The following TTC27 variants were observed in gnomAD, a reference collection of about 807,000 sequenced individuals.
TTC27 encodes the protein tetratricopeptide repeat protein 27.
A neutral mutation model predicts 115.9 loss-of-function variants in TTC27; 79 were observed. That is an observed-to-expected ratio of 0.68 (90% CI 0.57 to 0.82). The LOEUF (loss-of-function observed/expected upper bound fraction) is 0.82, where lower values mean the gene tolerates loss of function less well. Among genes scored for constraint, TTC27 ranks in the 40% least tolerant of loss-of-function variants. TTC27 has a pLI of 0.00. For missense variants in TTC27, 1,054 were observed against 993.1 expected (o/e 1.06, Z -0.82); for synonymous variants, 401 against 356.0 (o/e 1.13, Z -1.42).
intron 12 of TTC27, among the ~76,000 whole-genome samples, chr2:32,755,070 C>A (rs184397656): frequency 2.6e-5 from 4 of 151,934 alleles, no homozygotes; most frequent in African/African-American, 4.8e-5. Context: ...ACGGGGCGGC[C>A]GGGCAGAGAC....
chr2:32,645,524 TTTTC>T (rs1052174610), intron 4 of TTC27, among the ~76,000 whole-genome samples: 1 of 152,088 alleles, frequency 6.6e-6, no homozygotes, highest in African/African-American at 2.4e-5. Context: ...TGCCTCAATT[TTTTC>T]TTTCTTTGTT....
chr2:32,674,512 C>G (rs1168012238), intron 8 of TTC27, among the ~76,000 whole-genome samples: 1 of 152,060 alleles, frequency 6.6e-6, no homozygotes, highest in African/African-American at 2.4e-5. Context: ...TAGCATTTTA[C>G]TTCATATATG....
intron 4 of TTC27, among the ~76,000 whole-genome samples, chr2:32,649,703 G>A (rs1032127158): frequency 7.9e-5 from 12 of 151,990 alleles, no homozygotes; most frequent in African/African-American, 2.4e-4. Context: ...CTGCCACCAC[G>A]CCCAGCTAAT....
chr2:32,796,679 C>T (rs1463831390), intron 16 of TTC27, among the ~76,000 whole-genome samples: 1 of 151,944 alleles, frequency 6.6e-6, no homozygotes, highest in African/African-American at 2.4e-5. Context: ...CTCAAGAGAC[C>T]CTGGATGGCC....
chr2:32,789,128 A>T (rs974028414), intron 16 of TTC27, among the ~76,000 whole-genome samples: 1 of 152,158 alleles, frequency 6.6e-6, no homozygotes, highest in Non-Finnish European at 1.5e-5. Flanking sequence ...CTATTCAAAG[A>T]TTGTTTGGAA....
chr2:32,696,320 C>T (rs1429258368), intron 9 of TTC27, among the ~76,000 whole-genome samples: 1 of 150,970 alleles, frequency 6.6e-6, no homozygotes, highest in African/African-American at 2.4e-5. Flanking sequence ...GACAGAGTCT[C>T]ACTCTGTCGC....
intron 5 of TTC27, among the ~76,000 whole-genome samples, chr2:32,656,562 T>A (rs906341345): frequency 6.6e-6 from 1 of 152,122 alleles, no homozygotes; most frequent in Middle Eastern, 3.2e-3. Flanking sequence ...AGGAGCTAGA[T>A]CACGAGGATG....
At chr2:32,788,685 C>T (rs1242431416) in intron 16 of TTC27, among the ~76,000 whole-genome samples, 2 of 152,182 alleles carry the variant, frequency 1.3e-5, no homozygotes, top group Non-Finnish European at 2.9e-5. Flanking sequence ...TTAGTAACAA[C>T]TGGCTCACCA....
intron 14 of TTC27, chr2:32,780,067 CCA>C: frequency 2.1e-6 from 1 of 465,206 alleles, no homozygotes. Context: ...TGTGCATATT[CCA>C]CTGTCTTGTT....
At chr2:32,671,264 G>A (rs1333856107) in intron 7 of TTC27, among the ~76,000 whole-genome samples, 1 of 148,514 alleles carries the variant, frequency 6.7e-6, no homozygotes, top group South Asian at 2.2e-4. Flanking sequence ...TTTAATTTTT[G>A]TGTATGATTG....
At chr2:32,669,660 G>A (rs888789397) in intron 7 of TTC27, among the ~76,000 whole-genome samples, 6 of 152,012 alleles carry the variant, frequency 3.9e-5, no homozygotes, top group Admixed American at 1.3e-4. Flanking sequence ...CGAGGTGGGA[G>A]GATCACTTGA....
chr2:32,660,505 C>G (rs1178937630), intron 5 of TTC27, among the ~76,000 whole-genome samples: 1 of 152,084 alleles, frequency 6.6e-6, no homozygotes, highest in Non-Finnish European at 1.5e-5. Context: ...GAACAGAAAA[C>G]CGAACACTGC....
chr2:32,713,629 C>T (rs767412922), intron 10 of TTC27, among the ~76,000 whole-genome samples: 4 of 152,176 alleles, frequency 2.6e-5, no homozygotes, highest in Non-Finnish European at 5.9e-5. Context: ...GAGGACATTG[C>T]ATTGAATTGG....
chr2:32,715,148 G>A (rs531937684), intron 10 of TTC27, among the ~76,000 whole-genome samples: 5 of 152,236 alleles, frequency 3.3e-5, no homozygotes, highest in African/African-American at 1.2e-4. Flanking sequence ...ATCTTTGCCA[G>A]TCCCTACATT....
At chr2:32,743,726 CTCA>C (rs1236266532) in intron 12 of TTC27, among the ~76,000 whole-genome samples, 3 of 152,116 alleles carry the variant, frequency 2.0e-5, no homozygotes, top group Non-Finnish European at 4.4e-5. Flanking sequence ...CTTCCTAGTT[CTCA>C]TCATTTGGTT....
chr2:32,786,285 C>A (rs972235467), intron 15 of TTC27, among the ~76,000 whole-genome samples: 1 of 152,080 alleles, frequency 6.6e-6, no homozygotes, highest in Admixed American at 6.6e-5. Flanking sequence ...CCATGCCCAG[C>A]TGCTTTTTTT....
intron 6 of TTC27, among the ~76,000 whole-genome samples, chr2:32,666,267 A>G (rs1665770786): frequency 6.6e-6 from 1 of 152,194 alleles, no homozygotes; most frequent in Non-Finnish European, 1.5e-5. Context: ...TGTGATCATG[A>G]ACAAATGACT....
chr2:32,786,903 G>A lies in TTC27; in HGVS notation c.1833-81G>A, dbSNP rs1572612976. 3 of 1,216,938 alleles carry A rather than the reference G, an allele frequency of 2.5e-6. No homozygotes were observed. The East Asian group carries it at 7.5e-5, about 30-fold the overall frequency. The allele number at this position is 1,216,938 out of a possible 1,614,324, so 75.4% of individuals were successfully genotyped here. A position where few individuals can be genotyped will look rare whatever the true frequency, so the allele number is the denominator to read the frequency against. ...GAATAAGGACGGACAGTCCACATTAGTATTTTATACATTTAGCTATGCTTT... is the reference window on the plus strand; with the variant it reads ...GAATAAGGACGGACAGTCCACATTAATATTTTATACATTTAGCTATGCTTT... On this transcript the variant is annotated intron_variant, in intron 15 of 19. Transcript: ENST00000317907.
intron 14 of TTC27, among the ~76,000 whole-genome samples, chr2:32,781,211 A>C (rs941461047): frequency 2.6e-5 from 4 of 152,176 alleles, no homozygotes; most frequent in African/African-American, 9.7e-5. Flanking sequence ...TTTCATTTGG[A>C]TATTTTAACA....
Sources: allele counts gnomAD v4.1 joint callset (sites outside exome capture counted in the v4.1 genomes callset), GRCh38; gene constraint gnomAD v4.1.1; transcripts MANE v1.5; gene names NCBI Gene and HGNC (gene_info 2026-07-23, HGNC 2026-07-21).